Variants in ARPC1B observed in about 807,000 individuals in gnomAD.
ARPC1B encodes the protein actin related protein 2/3 complex subunit 1B.
Under a neutral mutation model 46.0 loss-of-function variants are expected in ARPC1B, and 29 were observed. The ratio of observed to expected loss-of-function variants is 0.63; its 90% CI spans 0.47 to 0.86. ARPC1B has a LOEUF of 0.86. Ranked by LOEUF, ARPC1B falls within the 40% of genes least tolerant of loss-of-function variation. The pLI, the probability that ARPC1B is intolerant of heterozygous loss-of-function variation, is 0.00. For synonymous variants in ARPC1B, 201 were observed against 213.9 expected (o/e 0.94, Z 0.53); for missense variants, 469 against 529.4 (o/e 0.89, Z 1.12).
At chr7:99,388,379 C>G in intron 4 of ARPC1B, 118 bp downstream of exon 4, 2 of 972,570 alleles carry the variant, frequency 2.1e-6, no homozygotes, top group Admixed American at 4.9e-5. Context: ...TGGGGGAGTC[C>G]ATCCTCTCCT....
At chr7:99,391,340 C>T (rs1794566167) in intron 7 of ARPC1B, 87 bp downstream of exon 7, 1 of 1,322,692 alleles carries the variant, frequency 7.6e-7, no homozygotes, top group Non-Finnish European at 1.1e-6. Context: ...CCTCCTTTCT[C>T]CTGCCTCCCT....
chr7:99,378,955 T>G (rs1331945492), intron 1 of ARPC1B, among the ~76,000 whole-genome samples: 4 of 151,706 alleles, frequency 2.6e-5, no homozygotes, highest in African/African-American at 9.7e-5. Flanking sequence ...TTTTTTGTAT[T>G]TTTAGTAGAG....
intron 6 of ARPC1B, 35 bp downstream of exon 6, chr7:99,391,134 T>C (rs1483138917): frequency 2.5e-6 from 4 of 1,612,750 alleles, no homozygotes; most frequent in East Asian, 4.5e-5. Context: ...AGGAGGTGAG[T>C]GCAGAGGAGT....
At chr7:99,390,319 C>G (rs1047727765) in intron 5 of ARPC1B, among the ~76,000 whole-genome samples, 1 of 152,032 alleles carries the variant, frequency 6.6e-6, no homozygotes, top group African/African-American at 2.4e-5. Flanking sequence ...TCAAGCGATC[C>G]TCTTGCTTCT....
chr7:99,391,449 CAG>C (rs1453176119), intron 7 of ARPC1B, among the ~76,000 whole-genome samples, 196 bp downstream of exon 7: 1 of 152,172 alleles, frequency 6.6e-6, no homozygotes, highest in Non-Finnish European at 1.5e-5. Context: ...AGTTGCTTAA[CAG>C]AGTAAAGATT....
chr7:99,390,425 G>A (rs1794534691), intron 5 of ARPC1B, among the ~76,000 whole-genome samples: 1 of 151,302 alleles, frequency 6.6e-6, no homozygotes, highest in Non-Finnish European at 1.5e-5. Context: ...CTGGAGTGCA[G>A]TGGCGTGATA....
chr7:99,379,825 A>C (rs746152724), intron 1 of ARPC1B, among the ~76,000 whole-genome samples: 19 of 146,570 alleles, frequency 1.3e-4, no homozygotes, highest in Non-Finnish European at 2.2e-4. Context: ...TTTTTTTCCA[A>C]GTGGAGACGG....
chr7:99,394,129 GC>G lies in ARPC1B; in HGVS notation c.1080+14del. 6.2e-7 allele frequency: 1 copy of G among 1,612,312 alleles called. No homozygotes were observed. The highest frequency in any genetic ancestry group is 8.5e-7 in the Non-Finnish European group (1 of 1,179,842). Reference sequence around the variant, plus strand: ...TATCTGGGATGTGAAGGTGAGGCTTGCCCCTCCTGGCTTCCCGCCATGCCTC... The same window carrying G: ...TATCTGGGATGTGAAGGTGAGGCTTGCCCTCCTGGCTTCCCGCCATGCCTC... On this transcript the variant is annotated intron_variant, in intron 9 of 9. Transcript: ENST00000646101.
At chr7:99,392,248 G>A (rs537476790) in intron 7 of ARPC1B, 2 of 177,258 alleles carry the variant, frequency 1.1e-5, no homozygotes, top group African/African-American at 2.4e-5. Context: ...AGAGTTCGGG[G>A]TGTGCGGTTC....
intron 4 of ARPC1B, chr7:99,389,457 G>C (rs1174426329): frequency 6.3e-6 from 1 of 159,104 alleles, no homozygotes; most frequent in Admixed American, 6.1e-5. Flanking sequence ...CTGGCCTCAA[G>C]CAATCTTCCC....
At chr7:99,388,555 G>C in intron 4 of ARPC1B, 1 of 385,332 alleles carries the variant, frequency 2.6e-6, no homozygotes, top group South Asian at 3.9e-5. Context: ...ATCGGTCACT[G>C]TCCCCACTTT....
chr7:99,380,869 C>T (rs1434501780), intron 1 of ARPC1B, among the ~76,000 whole-genome samples: 2 of 152,142 alleles, frequency 1.3e-5, no homozygotes, highest in African/African-American at 4.8e-5. Context: ...AAATTGGCCT[C>T]AGCTGGAGTC....
chr7:99,380,042 C>A (rs543209021), intron 1 of ARPC1B, among the ~76,000 whole-genome samples: 8 of 152,318 alleles, frequency 5.3e-5, no homozygotes, highest in Non-Finnish European at 1.2e-4. Context: ...ATCCCTCCCC[C>A]AGGAGCCATC....
At chr7:99,386,455 G>GTGGGGAGAGGTCCCAGGGT in intron 2 of ARPC1B, 1 of 623,172 alleles carries the variant, frequency 1.6e-6, no homozygotes, top group Non-Finnish European at 3.0e-6. Context: ...GAGCAATAGG[G>GTGGGGAGAGGTCCCAGGGT]TGGGGAGAGG....
In ARPC1B at chr7:99,385,795, G is replaced by T; in HGVS notation, c.64+17G>T. 6.2e-7 allele frequency: 1 copy of T among 1,603,036 alleles called. No homozygotes were observed. The highest frequency in any genetic ancestry group is 8.5e-7 in the Non-Finnish European group (1 of 1,176,836). ...ACCGCACCCGTGAGTGCTTGCTGGG[G>T]GCCGGTGGGTGGCTGCTTCCACCTC... On this transcript the variant is annotated intron_variant, in intron 2 of 9. Transcript: ENST00000646101.
chr7:99,390,272 T>G (rs768607050), intron 5 of ARPC1B, among the ~76,000 whole-genome samples: 1 of 152,132 alleles, frequency 6.6e-6, no homozygotes, highest in Non-Finnish European at 1.5e-5. Flanking sequence ...AATGCAGTAG[T>G]GCAATCATAG....
chr7:99,390,981 G>A lies in ARPC1B; in HGVS notation c.589G>A (p.Glu197Lys), dbSNP rs145131136. The A allele has an allele frequency of 3.1e-6, 5 of 1,613,852 alleles. No individual in the cohort carries two copies. The highest frequency in any genetic ancestry group is 1.1e-5 in the South Asian group (1 of 91,078). The change falls in exon 6 of 10, where the codon GAA becomes AAA. Residue 197 changes from glutamate to lysine, a missense_variant. Transcript: ENST00000646101. ...GATGCCCTTTGGGGAACTGATGTTC[G>A]AATCCAGCAGTAGCTGCGGCTGGGT... ...SKMPFGELMF[E>K]SSSSCGWVHG...
intron 1 of ARPC1B, among the ~76,000 whole-genome samples, chr7:99,385,331 T>G: frequency 1.4e-5 from 2 of 146,980 alleles, no homozygotes; most frequent in Admixed American, 6.9e-5. Context: ...GTCCATCCTA[T>G]GAGGAAACCG....
chr7:99,386,374 C>G (rs1794391438), intron 2 of ARPC1B: 4 of 530,334 alleles, frequency 7.5e-6, no homozygotes, highest in Non-Finnish European at 1.4e-5. Flanking sequence ...TGTGCCCCAG[C>G]TGGGGAGGGG....
Sources: allele counts gnomAD v4.1 joint callset (sites outside exome capture counted in the v4.1 genomes callset), GRCh38; gene constraint gnomAD v4.1.1; transcripts MANE v1.5; gene names NCBI Gene and HGNC (gene_info 2026-07-23, HGNC 2026-07-21).